NCALD: variants seen among roughly 807,000 people sequenced by gnomAD.
The protein encoded by NCALD is neurocalcin-delta.
Under a neutral mutation model 18.6 loss-of-function variants are expected in NCALD, and 10 were observed. The ratio of observed to expected loss-of-function variants is 0.54; its 90% CI spans 0.33 to 0.91. The LOEUF is 0.91. NCALD is among the 40% of genes least tolerant of loss of function. The pLI, the probability that NCALD is intolerant of heterozygous loss-of-function variation, is 0.03. For missense variants in NCALD, 184 were observed against 247.6 expected, an observed-to-expected ratio of 0.74 and a Z score of 1.72; for synonymous variants, 88 against 87.4, an observed-to-expected ratio of 1.01 and a Z score of -0.04.
intron 3 of NCALD, among the ~76,000 whole-genome samples, chr8:101,890,579 A>T (rs1269301745): frequency 6.6e-6 from 1 of 152,242 alleles, no homozygotes; most frequent in Non-Finnish European, 1.5e-5. Flanking sequence ...TCCAGGTTGA[A>T]GGGAGTGCCC....
At chr8:102,012,681 G>A (rs116500262) in intron 2 of NCALD, among the ~76,000 whole-genome samples, 3,985 of 152,334 alleles carry the variant, frequency 0.026, 150 homozygotes, top group African/African-American at 0.09. Context: ...TTCTGAAACA[G>A]CTGAAGGCCT....
intron 4 of NCALD, among the ~76,000 whole-genome samples, chr8:101,822,494 T>C (rs891438886): frequency 2.0e-5 from 3 of 152,084 alleles, no homozygotes; most frequent in Non-Finnish European, 4.4e-5. Context: ...TGGCTTCCAA[T>C]TAGATCCAAG....
chr8:102,005,897 G>A (rs1222477583), intron 2 of NCALD, among the ~76,000 whole-genome samples: 1 of 140,120 alleles, frequency 7.1e-6, no homozygotes, highest in Non-Finnish European at 1.5e-5. Context: ...GGGGCAGGGG[G>A]GAGGGATAGC....
At chr8:101,955,799 A>G (rs555408998) in intron 2 of NCALD, among the ~76,000 whole-genome samples, 1 of 152,312 alleles carries the variant, frequency 6.6e-6, no homozygotes, top group African/African-American at 2.4e-5. Flanking sequence ...ACAATTGACA[A>G]AATTTATATA....
At chr8:101,748,220 A>T (rs1327165885) in intron 1 of NCALD, among the ~76,000 whole-genome samples, 2 of 152,200 alleles carry the variant, frequency 1.3e-5, no homozygotes, top group Non-Finnish European at 2.9e-5. Context: ...CTTATTAAAA[A>T]GGGAGGAAAA....
intron 4 of NCALD, among the ~76,000 whole-genome samples, chr8:101,874,187 A>G (rs1454412557): frequency 6.6e-6 from 1 of 152,224 alleles, no homozygotes; most frequent in Non-Finnish European, 1.5e-5. Flanking sequence ...AGATTGTGTC[A>G]GAACTTGAAG....
chr8:102,080,456 C>T (rs912981139), intron 1 of NCALD, among the ~76,000 whole-genome samples: 2 of 152,178 alleles, frequency 1.3e-5, no homozygotes, highest in African/African-American at 4.8e-5. Context: ...TAAGTGCTGG[C>T]TCCTGGGCAA....
At chr8:101,836,407 C>G (rs940367700) in intron 4 of NCALD, among the ~76,000 whole-genome samples, 1 of 152,206 alleles carries the variant, frequency 6.6e-6, no homozygotes, top group Non-Finnish European at 1.5e-5. Context: ...CTCACTTACC[C>G]GTCCTGGGCC....
chr8:101,780,379 A>AT (rs1038931672), intron 1 of NCALD, among the ~76,000 whole-genome samples: 29 of 152,130 alleles, frequency 1.9e-4, no homozygotes, highest in African/African-American at 5.8e-4. Flanking sequence ...ACAGATGTTT[A>AT]TTTTTTTGTG....
At chr8:101,719,915 C>T (rs562800569) in intron 1 of NCALD, among the ~76,000 whole-genome samples, 20 of 152,226 alleles carry the variant, frequency 1.3e-4, no homozygotes, top group Admixed American at 5.9e-4. Context: ...GCAAAAGGTT[C>T]AGAGAGAGCG....
At chr8:101,832,941 G>A (rs1814248188) in intron 4 of NCALD, among the ~76,000 whole-genome samples, 1 of 152,220 alleles carries the variant, frequency 6.6e-6, no homozygotes, top group Non-Finnish European at 1.5e-5. Context: ...AGTACCCACA[G>A]TAGAAGCAGC....
intron 3 of NCALD, among the ~76,000 whole-genome samples, chr8:101,914,457 T>G (rs1817909252): frequency 6.6e-6 from 1 of 152,208 alleles, no homozygotes; most frequent in South Asian, 2.1e-4. Context: ...GAAGTTACTT[T>G]TTCCCCTCCC....
chr8:101,863,810 T>G (rs1586653256), intron 4 of NCALD, among the ~76,000 whole-genome samples: 1 of 152,068 alleles, frequency 6.6e-6, no homozygotes, highest in Non-Finnish European at 1.5e-5. Context: ...AAGATCTGGA[T>G]GAAATGCAGG....
At chr8:102,014,864 T>C (rs1237842080) in intron 2 of NCALD, among the ~76,000 whole-genome samples, 3 of 152,154 alleles carry the variant, frequency 2.0e-5, no homozygotes, top group African/African-American at 7.2e-5. Context: ...TACACAAGAA[T>C]TACTCGGGGA....
chr8:101,881,314 T>C (rs1424387821), intron 4 of NCALD, among the ~76,000 whole-genome samples: 2 of 152,210 alleles, frequency 1.3e-5, no homozygotes, highest in Admixed American at 6.5e-5. Context: ...TCATGTATGA[T>C]TGAAGTAATT....
chr8:101,853,038 C>A (rs1815161497), intron 4 of NCALD, among the ~76,000 whole-genome samples: 1 of 152,120 alleles, frequency 6.6e-6, no homozygotes, highest in South Asian at 2.1e-4. Flanking sequence ...CATTTTAGAG[C>A]CAGACTGCCC....
At chr8:102,054,681 G>A (rs923092292) in intron 1 of NCALD, among the ~76,000 whole-genome samples, 1 of 114,350 alleles carries the variant, frequency 8.7e-6, no homozygotes, top group East Asian at 3.0e-4. Flanking sequence ...TAGATAGATA[G>A]ATAGATAGAT....
chr8:101,819,769 G>A (rs1342275983), intron 4 of NCALD, among the ~76,000 whole-genome samples: 2 of 152,138 alleles, frequency 1.3e-5, no homozygotes, highest in African/African-American at 2.4e-5. Context: ...AACACTTAGC[G>A]AGATAAACAG....
chr8:101,727,737 G>T (rs1816636152), intron 1 of NCALD, among the ~76,000 whole-genome samples: 1 of 152,222 alleles, frequency 6.6e-6, no homozygotes, highest in South Asian at 2.1e-4. Context: ...AATAAAGTTA[G>T]AATTCCCTCT....
Sources: gnomAD v4.1 joint callset for allele counts (sites outside exome capture counted in the v4.1 genomes callset) on GRCh38, gnomAD v4.1.1 for gene constraint, MANE v1.5 for transcripts, NCBI Gene and HGNC (gene_info 2026-07-23, HGNC 2026-07-21) for gene names.